FSAF1: variants seen among roughly 807,000 people sequenced by gnomAD.
FSAF1 encodes the protein uncharacterized protein C1orf131.
At chr1:231,225,136 G>A in the FSAF1 span, 11 of 324,994 alleles carry the variant, frequency 3.4e-5, no homozygotes, top group Admixed American at 1.3e-4. Context: ...TCTATCTTAC[G>A]TGGTATGTCA....
At chr1:231,241,158 C>G in the FSAF1 span, 1 of 1,601,252 alleles carries the variant, frequency 6.2e-7, no homozygotes, top group East Asian at 2.2e-5. Context: ...GCGCTGCACC[C>G]CCGCTTCCGG....
chr1:231,224,700 A>C, the FSAF1 span: 1 of 360,212 alleles, frequency 2.8e-6, no homozygotes, highest in Non-Finnish European at 5.0e-6. Context: ...TCCTCAGACT[A>C]ATTTCCCAGC....
chr1:231,224,381 C>T, the FSAF1 span: 7 of 1,612,210 alleles, frequency 4.3e-6, no homozygotes, highest in African/African-American at 4.0e-5. Context: ...GTCCATTTGA[C>T]AAAATACTGG....
At chr1:231,231,700 T>C in the FSAF1 span, among the ~76,000 whole-genome samples, 7 of 152,146 alleles carry the variant, frequency 4.6e-5, no homozygotes, top group Admixed American at 3.9e-4. Flanking sequence ...AACTGTATGA[T>C]AGCTACTATG....
chr1:231,236,290 C>G, the FSAF1 span, among the ~76,000 whole-genome samples: 1 of 152,090 alleles, frequency 6.6e-6, no homozygotes, highest in Non-Finnish European at 1.5e-5. Context: ...ATTCTGAGGT[C>G]ATTTTACAGG....
the FSAF1 span, among the ~76,000 whole-genome samples, chr1:231,233,204 C>T: frequency 8.5e-5 from 13 of 152,162 alleles, no homozygotes; most frequent in South Asian, 2.1e-4. Context: ...CTCTGTCTGG[C>T]GATGGCTCAG....
At chr1:231,233,783 C>T in the FSAF1 span, among the ~76,000 whole-genome samples, 1 of 152,304 alleles carries the variant, frequency 6.6e-6, no homozygotes, top group African/African-American at 2.4e-5. Context: ...GAACTCCTGA[C>T]CTTGTGATCC....
At chr1:231,238,740 G>T in the FSAF1 span, 1 of 1,021,752 alleles carries the variant, frequency 9.8e-7, no homozygotes, top group Non-Finnish European at 1.4e-6. Context: ...AGTCCTTTTG[G>T]CAAATCTGCA....
the FSAF1 span, among the ~76,000 whole-genome samples, chr1:231,234,840 A>T: frequency 6.6e-6 from 1 of 151,956 alleles, no homozygotes; most frequent in Admixed American, 6.5e-5. This position sits in a 1 kb window ranked among gnomAD's most constrained non-coding sequence, Gnocchi z 4.0. Context: ...CATACCCCAC[A>T]ATGTTAGCAA....
chr1:231,232,479 C>G, the FSAF1 span, among the ~76,000 whole-genome samples: 1 of 152,188 alleles, frequency 6.6e-6, no homozygotes, highest in Non-Finnish European at 1.5e-5. Flanking sequence ...ATCCCGGGTC[C>G]CTAGGTGAGG....
At chr1:231,230,876 A>G in the FSAF1 span, among the ~76,000 whole-genome samples, 2 of 152,238 alleles carry the variant, frequency 1.3e-5, no homozygotes. Flanking sequence ...ACAGGGTCCA[A>G]AAAACAGCAA....
At chr1:231,239,786 T>C in the FSAF1 span, among the ~76,000 whole-genome samples, 2 of 152,276 alleles carry the variant, frequency 1.3e-5, no homozygotes, top group Non-Finnish European at 2.9e-5. Context: ...TGCTGATTTA[T>C]GCTTGCTACT....
At chr1:231,232,045 GA>G in the FSAF1 span, among the ~76,000 whole-genome samples, 18 of 151,224 alleles carry the variant, frequency 1.2e-4, no homozygotes, top group African/African-American at 3.6e-4. Flanking sequence ...AAACTTTTGG[GA>G]AAAAAAAATT....
At chr1:231,236,997 T>C in the FSAF1 span, 1 of 134,732 alleles carries the variant, frequency 7.4e-6, no homozygotes, top group African/African-American at 2.9e-5. Context: ...ACTAATAATC[T>C]TTTTTTTTTT....
chr1:231,232,948 AAG>A, the FSAF1 span, among the ~76,000 whole-genome samples: 1 of 152,188 alleles, frequency 6.6e-6, no homozygotes, highest in African/African-American at 2.4e-5. Context: ...GAATATTAAG[AAG>A]TTTGTTCACA....
the FSAF1 span, chr1:231,226,511 G>A: frequency 3.4e-6 from 2 of 582,394 alleles, no homozygotes; most frequent in African/African-American, 1.9e-5. Flanking sequence ...CAACAAAAAC[G>A]GACTAAGACA....
chr1:231,227,363 C>T, the FSAF1 span, among the ~76,000 whole-genome samples: 1 of 152,256 alleles, frequency 6.6e-6, no homozygotes, highest in South Asian at 2.1e-4. Context: ...CAGCCTTGAC[C>T]TCCTGGGCAT....
chr1:231,229,201 A>G, the FSAF1 span: 1 of 1,580,056 alleles, frequency 6.3e-7, no homozygotes, highest in Non-Finnish European at 8.6e-7. Context: ...AAACACTAGG[A>G]TTAGCCTGCT....
the FSAF1 span, among the ~76,000 whole-genome samples, chr1:231,231,194 G>A: frequency 2.6e-5 from 4 of 152,178 alleles, no homozygotes; most frequent in South Asian, 2.1e-4. Flanking sequence ...GGCATAGCAC[G>A]GAGGACTCTG....
Sources: gnomAD v4.1 joint callset for allele counts (sites outside exome capture counted in the v4.1 genomes callset) on GRCh38, gnomAD v4.1.1 for gene constraint, Gnocchi (gnomAD v3.1) non-coding constraint, MANE v1.5 for transcripts, NCBI Gene and HGNC (gene_info 2026-07-23, HGNC 2026-07-21) for gene names.